Variants in TRABD2B observed in about 807,000 individuals in gnomAD.
The protein encoded by TRABD2B is metalloprotease TIKI2.
Under a neutral mutation model 40.1 loss-of-function variants are expected in TRABD2B, and 14 were observed. The ratio of observed to expected loss-of-function variants is 0.35; its 90% CI spans 0.23 to 0.55. The LOEUF is 0.55. TRABD2B is among the 20% of genes least tolerant of loss of function. The pLI is 0.90. For synonymous variants in TRABD2B, 263 were observed against 277.0 expected, an observed-to-expected ratio of 0.95 and a Z score of 0.50; for missense variants, 541 against 648.6, an observed-to-expected ratio of 0.83 and a Z score of 1.80.
At chr1:47,909,802 T>TCCCCCCCCCCCCCCCCCCCCCCCCC (rs1644736396) in intron 2 of TRABD2B, among the ~76,000 whole-genome samples, 1 of 74,274 alleles carries the variant, frequency 1.3e-5, no homozygotes, top group African/African-American at 6.5e-5. Flanking sequence ...CCCCCCCCCT[T>TCCCCCCCCCCCCCCCCCCCCCCCCC]CCTCCCTTCC....
chr1:47,969,042 C>A (rs1247637887), intron 2 of TRABD2B, among the ~76,000 whole-genome samples: 1 of 152,156 alleles, frequency 6.6e-6, no homozygotes, highest in African/African-American at 2.4e-5. Context: ...CACATTATAG[C>A]CCTGTGTCAA....
intron 6 of TRABD2B, among the ~76,000 whole-genome samples, chr1:47,773,844 G>C (rs959715145): frequency 1.3e-5 from 2 of 152,158 alleles, no homozygotes; most frequent in African/African-American, 4.8e-5. Flanking sequence ...GGATCAATGG[G>C]CTTGACTCTT....
At chr1:47,809,138 G>C (rs1644929697) in intron 2 of TRABD2B, among the ~76,000 whole-genome samples, 1 of 152,080 alleles carries the variant, frequency 6.6e-6, no homozygotes, top group Admixed American at 6.5e-5. Flanking sequence ...TGGCTGTAGA[G>C]GCTCCTTCCC....
intron 2 of TRABD2B, among the ~76,000 whole-genome samples, chr1:47,902,483 C>T (rs909891943): frequency 2.0e-5 from 3 of 152,144 alleles, no homozygotes; most frequent in Non-Finnish European, 4.4e-5. Flanking sequence ...CTGGGCAACT[C>T]GACTTCCTGT....
At chr1:47,795,256 G>A (rs1020067230) in intron 3 of TRABD2B, among the ~76,000 whole-genome samples, 9 of 152,206 alleles carry the variant, frequency 5.9e-5, no homozygotes, top group African/African-American at 2.2e-4. Context: ...GCAAGCAAGA[G>A]TGGAAAAGAT....
intron 2 of TRABD2B, among the ~76,000 whole-genome samples, chr1:47,957,562 C>G (rs570560893): frequency 6.6e-6 from 1 of 152,018 alleles, no homozygotes; most frequent in South Asian, 2.1e-4. Context: ...AACTTCATGA[C>G]GCATGCACAA....
rs61743305 is a variant in TRABD2B, at chr1:47,766,400, G to A, written c.1350-294C>T. On this transcript the variant is annotated intron_variant, in intron 6 of 6. Coordinates refer to ENST00000606738, the MANE Select transcript of TRABD2B (RefSeq NM_001194986.2). ...TCACCACTCGAGAGAATGGGTCCCA[G>A]GCAGAAAGAATAGTGTTTTGGGGAG... 9.8e-3 allele frequency among the ~76,000 whole-genome samples: 1,490 copies of A among 152,220 alleles called. 10 individuals carry two copies. Among genetic ancestry groups the A allele is most frequent in the Non-Finnish European group, 0.016 (1,107 of 68,010 alleles).
At chr1:47,809,774 A>G (rs1469720888) in intron 2 of TRABD2B, among the ~76,000 whole-genome samples, 2 of 152,228 alleles carry the variant, frequency 1.3e-5, no homozygotes, top group South Asian at 2.1e-4. Context: ...AATAAACACA[A>G]GATTTCCTGG....
chr1:47,837,931 A>G (rs1397508514), intron 2 of TRABD2B, among the ~76,000 whole-genome samples: 1 of 152,204 alleles, frequency 6.6e-6, no homozygotes, highest in African/African-American at 2.4e-5. Flanking sequence ...TATGTGCTCA[A>G]GTCTACAGAG....
At chr1:47,963,477 G>A (rs142075375) in intron 2 of TRABD2B, among the ~76,000 whole-genome samples, 63 of 152,298 alleles carry the variant, frequency 4.1e-4, no homozygotes, top group African/African-American at 1.5e-3. Flanking sequence ...CTTGCTTTAA[G>A]CCAGGACATA....
Position 47,833,211 on chromosome 1 carries a change from G to A in TRABD2B, c.667-31592C>T, listed in dbSNP as rs1378696893. Reference sequence around the variant, plus strand: ...TGGCAGAGAGGTTCTGAGCCAGGGAGTCTTGATCTGACTCCTGATTTGCCA... The same window carrying A: ...TGGCAGAGAGGTTCTGAGCCAGGGAATCTTGATCTGACTCCTGATTTGCCA... On this transcript the variant is annotated intron_variant, in intron 2 of 6. Transcript: ENST00000606738. 3.9e-5 allele frequency among the ~76,000 whole-genome samples: 6 copies of A among 152,332 alleles called. No individual in the cohort carries two copies. The East Asian group carries it at 1.2e-3, about 29-fold the overall frequency.
At chr1:47,901,656 T>C (rs1644601876) in intron 2 of TRABD2B, among the ~76,000 whole-genome samples, 1 of 152,172 alleles carries the variant, frequency 6.6e-6, no homozygotes, top group East Asian at 1.9e-4. Context: ...AACAGGTACA[T>C]AAGAAGTAAC....
chr1:47,929,915 C>T (rs1557663207), intron 2 of TRABD2B, among the ~76,000 whole-genome samples: 1 of 152,212 alleles, frequency 6.6e-6, no homozygotes, highest in Non-Finnish European at 1.5e-5. Context: ...GAGCCAAATG[C>T]CCTTGCCCAG....
At chr1:47,936,656 T>C (rs1570321844) in intron 2 of TRABD2B, among the ~76,000 whole-genome samples, 1 of 152,206 alleles carries the variant, frequency 6.6e-6, no homozygotes, top group African/African-American at 2.4e-5. Context: ...AAAAAACCTA[T>C]TGCACTCTCC....
chr1:47,952,279 T>C (rs1358430170), intron 2 of TRABD2B, among the ~76,000 whole-genome samples: 2 of 152,202 alleles, frequency 1.3e-5, no homozygotes, highest in African/African-American at 4.8e-5. Flanking sequence ...TGCTCCTTCA[T>C]TGAGGCCCCA....
At chr1:47,832,475 T>C (rs1030284768) in intron 2 of TRABD2B, among the ~76,000 whole-genome samples, 1 of 152,152 alleles carries the variant, frequency 6.6e-6, no homozygotes, top group African/African-American at 2.4e-5. Context: ...ATGATTTAAA[T>C]GCATGGGACT....
chr1:47,801,841 A>C (rs1644828360), intron 2 of TRABD2B, among the ~76,000 whole-genome samples: 1 of 152,178 alleles, frequency 6.6e-6, no homozygotes, highest in African/African-American at 2.4e-5. Flanking sequence ...CTTTGCCCAC[A>C]CAGGTCCCCA....
At chr1:47,792,767 G>T (rs550249160) in intron 4 of TRABD2B, among the ~76,000 whole-genome samples, 1 of 152,208 alleles carries the variant, frequency 6.6e-6, no homozygotes, top group South Asian at 2.1e-4. Flanking sequence ...CTGGGTCCTG[G>T]GGCAGGCAGG....
At chr1:47,767,316 G>A (rs1644318211) in intron 6 of TRABD2B, among the ~76,000 whole-genome samples, 1 of 152,224 alleles carries the variant, frequency 6.6e-6, no homozygotes, top group African/African-American at 2.4e-5. Flanking sequence ...GCACCGGGGG[G>A]CAGCAGGTAG....
Sources: allele counts gnomAD v4.1 joint callset (sites outside exome capture counted in the v4.1 genomes callset), GRCh38; gene constraint gnomAD v4.1.1; transcripts MANE v1.5; gene names NCBI Gene and HGNC (gene_info 2026-07-23, HGNC 2026-07-21).